Variants in EYA1 observed in about 807,000 individuals in gnomAD.
The protein encoded by EYA1 is protein phosphatase EYA1.
A neutral mutation model predicts 82.0 loss-of-function variants in EYA1; 16 were observed. The ratio of observed to expected loss-of-function variants is 0.20; its 90% CI spans 0.13 to 0.30. EYA1 has a LOEUF of 0.30. Ranked by LOEUF, EYA1 falls within the 10% of genes least tolerant of loss-of-function variation. The pLI, the probability that EYA1 is intolerant of heterozygous loss-of-function variation, is 1.00. For missense variants in EYA1, 633 were observed against 730.7 expected (o/e 0.87, Z 1.54); for synonymous variants, 261 against 264.4 (o/e 0.99, Z 0.12).
chr8:71,534,660 C>T (rs547829934), intron 2 of EYA1, among the ~76,000 whole-genome samples: 38 of 152,166 alleles, frequency 2.5e-4, no homozygotes, highest in African/African-American at 7.9e-4. Flanking sequence ...GAACAGAAAA[C>T]GAAACACTGC....
intron 7 of EYA1, among the ~76,000 whole-genome samples, chr8:71,308,660 G>T (rs1231458788): frequency 6.7e-6 from 1 of 148,764 alleles, no homozygotes; most frequent in African/African-American, 2.5e-5. Context: ...TTCTGTGTAT[G>T]ATTTAACCTG....
chr8:71,369,179 G>A (rs1292548721), intron 2 of EYA1, among the ~76,000 whole-genome samples: 2 of 147,120 alleles, frequency 1.4e-5, no homozygotes, highest in Non-Finnish European at 3.0e-5. Context: ...CTCCAGCCTG[G>A]GCAACAGAGC....
chr8:71,287,079 C>T (rs76229697), intron 9 of EYA1, among the ~76,000 whole-genome samples: 3,353 of 151,742 alleles, frequency 0.022, 119 homozygotes, highest in African/African-American at 0.074. Flanking sequence ...GGATTACAGG[C>T]GTGAGACACC....
In EYA1 at chr8:71,422,658, G is replaced by A. The variant is rs186440822; in HGVS notation, c.34-66147C>T. On this transcript the variant is annotated intron_variant, in intron 2 of 18. Transcript: ENST00000643681. ...TTCAGCATGGCTGGGGAGGCCTCAG[G>A]AAATTTGCAATTATGGCAGAAGGGG... Among the ~76,000 whole-genome samples the A allele has an allele frequency of 5.3e-5, 8 of 152,254 alleles. No individual in the cohort carries two copies. In the East Asian group the frequency reaches 1.5e-3, roughly 29 times the overall value.
intron 4 of EYA1, among the ~76,000 whole-genome samples, chr8:71,331,508 T>C (rs191960979): frequency 0.019 from 2,650 of 136,832 alleles, 76 homozygotes; most frequent in African/African-American, 0.068. Flanking sequence ...TATATACACA[T>C]ATATATAATG....
chr8:71,225,328 G>T (rs1162852778), intron 12 of EYA1: 1 of 456,144 alleles, frequency 2.2e-6, no homozygotes. Context: ...AGGGTATGTG[G>T]TTTGTAGCCT....
Position 71,303,755 on chromosome 8 carries a change from A to G in EYA1, c.557-4035T>C, listed in dbSNP as rs1362564171. Among the ~76,000 whole-genome samples the G allele has an allele frequency of 3.5e-5, 5 of 142,758 alleles. 1 individual carries two copies. The highest frequency in any genetic ancestry group is 8.0e-5 in the Non-Finnish European group (5 of 62,852). The allele number at this position is 142,758 out of a possible 152,430, so 93.7% of individuals were successfully genotyped here. On this transcript the variant is annotated intron_variant, in intron 7 of 17. Coordinates refer to ENST00000340726, the MANE Select transcript of EYA1 (RefSeq NM_000503.6). ...GAGTGCAAAATATAATAACAATAAAACAAAATACCCATTGAGTACTCTCTC... is the reference window on the plus strand; with the variant it reads ...GAGTGCAAAATATAATAACAATAAAGCAAAATACCCATTGAGTACTCTCTC...
At chr8:71,402,645 A>G (rs1046510465) in intron 2 of EYA1, among the ~76,000 whole-genome samples, 3 of 152,226 alleles carry the variant, frequency 2.0e-5, no homozygotes, top group African/African-American at 4.8e-5. Flanking sequence ...TATGTCCAAG[A>G]ATATCCTCCC....
chr8:71,537,678 C>T (rs1451090165), intron 1 of EYA1, among the ~76,000 whole-genome samples: 1 of 152,152 alleles, frequency 6.6e-6, no homozygotes, highest in Non-Finnish European at 1.5e-5. Context: ...CTCTGATTTC[C>T]CATAAATTCC....
intron 5 of EYA1, 39 bp downstream of exon 5, chr8:71,322,160 A>C: frequency 6.6e-7 from 1 of 1,506,014 alleles, no homozygotes; most frequent in Non-Finnish European, 9.2e-7. Flanking sequence ...AAGTCTACTC[A>C]GAGAAGTTAT....
At chr8:71,211,406 T>C (rs944615602) in intron 16 of EYA1, 150 bp from the exon 17 acceptor site, 15 of 662,662 alleles carry the variant, frequency 2.3e-5, no homozygotes, top group Non-Finnish European at 3.6e-5. Flanking sequence ...GCCACTTGGG[T>C]TGTATGTGCC....
intron 9 of EYA1, among the ~76,000 whole-genome samples, chr8:71,292,788 C>A (rs116493122): frequency 1.5e-3 from 231 of 151,936 alleles, no homozygotes; most frequent in African/African-American, 5.4e-3. Context: ...CTGTGAAATG[C>A]CACAAAAACA....
intron 2 of EYA1, among the ~76,000 whole-genome samples, chr8:71,394,506 A>G (rs1476149411): frequency 6.6e-6 from 1 of 152,156 alleles, no homozygotes; most frequent in Non-Finnish European, 1.5e-5. Flanking sequence ...AGCTTTCTAC[A>G]TAGGGCTAGC....
At chr8:71,420,837 C>T (rs1398853414) in intron 2 of EYA1, among the ~76,000 whole-genome samples, 1 of 152,146 alleles carries the variant, frequency 6.6e-6, no homozygotes, top group Non-Finnish European at 1.5e-5. Flanking sequence ...TTAAAAGCAT[C>T]ATTTTGTGAG....
intron 11 of EYA1, among the ~76,000 whole-genome samples, chr8:71,253,300 G>A (rs1813972283): frequency 6.6e-6 from 1 of 152,108 alleles, no homozygotes; most frequent in Non-Finnish European, 1.5e-5. Context: ...TAAAATGCAT[G>A]TGACTTGGAC....
intron 7 of EYA1, among the ~76,000 whole-genome samples, chr8:71,303,607 A>G (rs1024072613): frequency 7.1e-6 from 1 of 141,598 alleles, no homozygotes; most frequent in Admixed American, 7.1e-5. Flanking sequence ...GGGCCGCTCC[A>G]CCTGCCTTCA....
chr8:71,256,782 C>G (rs1814477690), intron 11 of EYA1, among the ~76,000 whole-genome samples: 1 of 152,052 alleles, frequency 6.6e-6, no homozygotes, highest in Non-Finnish European at 1.5e-5. Flanking sequence ...GGTGGATCAC[C>G]TGAGGTCAGG....
chr8:71,391,076 C>T (rs924560355), intron 2 of EYA1, among the ~76,000 whole-genome samples: 1 of 152,118 alleles, frequency 6.6e-6, no homozygotes, highest in Non-Finnish European at 1.5e-5. Flanking sequence ...CGGGTTCAAG[C>T]AATTCTCATG....
chr8:71,283,520 C>T (rs867444752), intron 9 of EYA1, among the ~76,000 whole-genome samples: 6 of 150,636 alleles, frequency 4.0e-5, no homozygotes, highest in African/African-American at 1.5e-4. Context: ...ATATCAGAGG[C>T]TCGTTAAACT....
Sources: gnomAD v4.1 joint callset for allele counts (sites outside exome capture counted in the v4.1 genomes callset) on GRCh38, gnomAD v4.1.1 for gene constraint, MANE v1.5 for transcripts, NCBI Gene and HGNC (gene_info 2026-07-23, HGNC 2026-07-21) for gene names.